The following ABL1 variants were observed in gnomAD, a reference collection of about 807,000 sequenced individuals.
The protein encoded by ABL1 is ABL proto-oncogene 1, non-receptor tyrosine kinase.
A neutral mutation model predicts 94.7 loss-of-function variants in ABL1; 11 were observed. The ratio of observed to expected loss-of-function variants is 0.12; its 90% CI spans 0.07 to 0.19. ABL1 has a LOEUF of 0.19. Ranked by LOEUF, ABL1 falls within the 10% of genes least tolerant of loss-of-function variation. ABL1 has a pLI of 1.00. For missense variants in ABL1, 1,082 were observed against 1,489.4 expected, an observed-to-expected ratio of 0.73 and a Z score of 4.50; for synonymous variants, 656 against 622.4, an observed-to-expected ratio of 1.05 and a Z score of -0.80.
At chr9:130,788,676 C>T (rs1419322601) in intron 1 of ABL1, among the ~76,000 whole-genome samples, 3 of 152,150 alleles carry the variant, frequency 2.0e-5, no homozygotes, top group Admixed American at 6.5e-5. Context: ...GTCTCTCTGC[C>T]TTGCATGACA....
chr9:130,842,294 G>C (rs1830687538), intron 1 of ABL1, among the ~76,000 whole-genome samples: 1 of 152,192 alleles, frequency 6.6e-6, no homozygotes, highest in Non-Finnish European at 1.5e-5. Flanking sequence ...TAAGGTTATA[G>C]GGATTCAGTG....
intron 1 of ABL1, among the ~76,000 whole-genome samples, chr9:130,792,088 G>A (rs1392202760): frequency 6.6e-6 from 1 of 152,052 alleles, no homozygotes; most frequent in Non-Finnish European, 1.5e-5. Context: ...CTTAAACCGA[G>A]ACAGGATGCA....
chr9:130,884,154 C>T lies in ABL1; in HGVS notation c.1864C>T (p.Arg622Trp), dbSNP rs759909014. Residue 622 changes from arginine to tryptophan, a missense_variant, in exon 11 of 11, where the codon CGG becomes TGG. Physicochemically the swap from Arg to Trp is moderately radical, Grantham distance 101 (BLOSUM62 -3). Transcript: ENST00000318560. This position sits in a 1 kb window ranked among gnomAD's most constrained non-coding sequence, Gnocchi z 5.6. ...CCCTCCCAAACGCAGCAGCTCCTTC[C>T]GGGAGATGGACGGCCAGCCGGAGCG... The part of the protein sequence containing the change: ...PTPPKRSSSF[R>W]EMDGQPERRG... The T allele has an allele frequency of 7.4e-6, 12 of 1,613,132 alleles. No individual in the cohort carries two copies. Among genetic ancestry groups the T allele is most frequent in the South Asian group, 6.6e-5 (6 of 91,038 alleles).
At chr9:130,716,912 G>A (rs1158010089) in intron 1 of ABL1, among the ~76,000 whole-genome samples, 1 of 151,886 alleles carries the variant, frequency 6.6e-6, no homozygotes, top group Non-Finnish European at 1.5e-5. Context: ...CACCATGCCT[G>A]GCTAATGGAG....
rs1235183868 is a variant in ABL1 at position 130,862,048 on chromosome 9, C to T, written c.550-715C>T. ...AATGCTCTTGTGTCGTAAATCCTTC[C>T]TTTTGCTTCCTCGTGTTGGATGTGT... is the stretch of plus-strand genomic sequence containing the variant. On this transcript the variant is annotated intron_variant, in intron 3 of 10. Transcript: ENST00000318560. The surrounding 1 kb of genome is among the most constrained non-coding windows in gnomAD (Gnocchi z 5.5). Among the ~76,000 whole-genome samples the T allele has an allele frequency of 6.6e-6, 1 of 152,218 alleles. No homozygotes were observed. Among genetic ancestry groups the T allele is most frequent in the Non-Finnish European group, 1.5e-5 (1 of 68,048 alleles).
At chr9:130,847,873 T>G (rs530902303) in intron 1 of ABL1, among the ~76,000 whole-genome samples, 10 of 152,298 alleles carry the variant, frequency 6.6e-5, no homozygotes, top group African/African-American at 2.4e-4. Flanking sequence ...CCATCCCACT[T>G]TAACCCACAC....
intron 1 of ABL1, among the ~76,000 whole-genome samples, chr9:130,852,768 T>G (rs574758413): frequency 1.3e-5 from 2 of 152,338 alleles, no homozygotes; most frequent in East Asian, 3.9e-4. Flanking sequence ...ATTTAAGAGC[T>G]GTTGATTGAT....
chr9:130,835,061 C>T (rs1169892610), upstream of ABL1: 3 of 321,322 alleles, frequency 9.3e-6, no homozygotes, highest in Admixed American at 8.6e-5. This position sits in a 1 kb window ranked among gnomAD's most constrained non-coding sequence, Gnocchi z 4.6. Context: ...CCGCGGGCCG[C>T]GCGCGGCCTT....
rs182150812 is a variant in ABL1, at chr9:130,874,803, G to T, written c.1086-65G>T. ...GTCAGCATTGCACCTTTGCTCAGCAGTGGTGGATTTGTGAAGTGGAAGGTT... is the reference window on the plus strand; with the variant it reads ...GTCAGCATTGCACCTTTGCTCAGCATTGGTGGATTTGTGAAGTGGAAGGTT... On this transcript the variant is annotated intron_variant, in intron 6 of 10. Coordinates refer to ENST00000318560, the MANE Select transcript of ABL1 (RefSeq NM_005157.6). The T allele has an allele frequency of 6.6e-4, 1,001 of 1,524,928 alleles. 8 individuals carry two copies. The highest frequency in any genetic ancestry group is 1.3e-4 in the Non-Finnish European group (145 of 1,105,236). The allele number at this position is 1,524,928 out of a possible 1,614,324, so 94.5% of individuals were successfully genotyped here.
rs146130903 is a variant in ABL1, at chr9:130,848,150, G to C, written c.80-5914G>C. On this transcript the variant is annotated intron_variant, in intron 1 of 10. Transcript: ENST00000318560. ...GGGAGGCACTCAAGTGCCTTTTCAG[G>C]ACAGCCTGAAGGAAGCCTCCCTCCC... Among the ~76,000 whole-genome samples the C allele has an allele frequency of 4.9e-3, 739 of 152,198 alleles. 7 individuals carry two copies. Among genetic ancestry groups the C allele is most frequent in the African/African-American group, 0.017 (709 of 41,508 alleles).
intron 1 of ABL1, among the ~76,000 whole-genome samples, chr9:130,819,868 T>TA (rs1443909536): frequency 3.3e-5 from 5 of 151,754 alleles, no homozygotes; most frequent in East Asian, 3.9e-4. Flanking sequence ...TTTTTTTTTT[T>TA]ACAGCAGGAG....
chr9:130,780,012 G>A (rs1298169472), intron 1 of ABL1, among the ~76,000 whole-genome samples: 14 of 152,164 alleles, frequency 9.2e-5, no homozygotes, highest in Non-Finnish European at 1.2e-4. Flanking sequence ...TGGGCCGGGC[G>A]CGGTGGCTCA....
At chr9:130,868,279 G>A (rs1044618611) in intron 4 of ABL1, among the ~76,000 whole-genome samples, 4 of 152,090 alleles carry the variant, frequency 2.6e-5, no homozygotes, top group African/African-American at 9.7e-5. Context: ...GTATTTAGCT[G>A]TGTTGATCCT....
chr9:130,864,238 G>T (rs1202736830), intron 4 of ABL1, among the ~76,000 whole-genome samples: 1 of 152,092 alleles, frequency 6.6e-6, no homozygotes, highest in African/African-American at 2.4e-5. Context: ...ATATTTCTCA[G>T]ATAGGACTTT....
At chr9:130,859,926 T>TG (rs1831043272) in intron 3 of ABL1, among the ~76,000 whole-genome samples, 3 of 151,956 alleles carry the variant, frequency 2.0e-5, no homozygotes, top group Non-Finnish European at 2.9e-5. Flanking sequence ...TGATCTGCCC[T>TG]CCTTGGCCTC....
At chr9:130,787,279 A>T (rs1160741681) in intron 1 of ABL1, among the ~76,000 whole-genome samples, 1 of 152,006 alleles carries the variant, frequency 6.6e-6, no homozygotes, top group Non-Finnish European at 1.5e-5. Context: ...GTGTGCCTGG[A>T]CTTCAGGATA....
intron 3 of ABL1, among the ~76,000 whole-genome samples, chr9:130,855,908 G>A (rs1205390693): frequency 1.3e-5 from 2 of 150,874 alleles, no homozygotes; most frequent in Admixed American, 6.6e-5. Flanking sequence ...TCCCGATGGT[G>A]TATGTTTGTT....
At chr9:130,861,327 C>T (rs974028746) in intron 3 of ABL1, among the ~76,000 whole-genome samples, 2 of 152,216 alleles carry the variant, frequency 1.3e-5, no homozygotes, top group African/African-American at 4.8e-5. Flanking sequence ...TTTAGGAATT[C>T]ACTTGTGTTA....
Position 130,835,931 on chromosome 9 carries a change from T to C in ABL1, c.79+406T>C, listed in dbSNP as rs1830574123. Among the ~76,000 whole-genome samples the C allele has an allele frequency of 6.6e-6, 1 of 152,208 alleles. No individual in the cohort carries two copies. Among genetic ancestry groups the C allele is most frequent in the Non-Finnish European group, 1.5e-5 (1 of 68,040 alleles). On this transcript the variant is annotated intron_variant, in intron 1 of 10. Transcript: ENST00000318560. The surrounding 1 kb of genome is among the most constrained non-coding windows in gnomAD (Gnocchi z 4.6). ...TTGAGAAAGCCAACTCGCCAGGCCTTAACATCCCTGGGATCCCACGTTGTG... is the reference window on the plus strand; with the variant it reads ...TTGAGAAAGCCAACTCGCCAGGCCTCAACATCCCTGGGATCCCACGTTGTG...
Sources: allele counts gnomAD v4.1 joint callset (sites outside exome capture counted in the v4.1 genomes callset), GRCh38; gene constraint gnomAD v4.1.1; non-coding constraint Gnocchi (gnomAD v3.1); transcripts MANE v1.5; gene names NCBI Gene and HGNC (gene_info 2026-07-23, HGNC 2026-07-21).